Variants in PUS10 observed in about 807,000 individuals in gnomAD.
The protein encoded by PUS10 is tRNA pseudouridine synthase Pus10.
In PUS10, 59 loss-of-function variants were observed where a neutral mutation model predicts 75.0. The ratio of observed to expected loss-of-function variants is 0.79; its 90% CI spans 0.64 to 0.98. PUS10 has a LOEUF of 0.98. PUS10 is among the 50% of genes least tolerant of loss of function. The probability of loss-of-function intolerance (pLI) is 0.00; values close to 1 mark genes in which losing one functional copy is unlikely to be tolerated. For synonymous variants in PUS10, 219 were observed against 211.6 expected, an observed-to-expected ratio of 1.03 and a Z score of -0.30; for missense variants, 650 against 614.4, an observed-to-expected ratio of 1.06 and a Z score of -0.61.
At chr2:61,002,529 C>T (rs184401062) in intron 4 of PUS10, among the ~76,000 whole-genome samples, 1 of 152,184 alleles carries the variant, frequency 6.6e-6, no homozygotes, top group Non-Finnish European at 1.5e-5. Context: ...CTCACCGCAA[C>T]CTCCGCCTCC....
intron 4 of PUS10, among the ~76,000 whole-genome samples, chr2:60,991,090 G>T (rs1042776587): frequency 1.3e-5 from 2 of 152,074 alleles, no homozygotes; most frequent in Non-Finnish European, 2.9e-5. Context: ...TGTTGCCCAG[G>T]CTGGTCTCAA....
At chr2:60,981,870 T>C (rs535241346) in intron 4 of PUS10, among the ~76,000 whole-genome samples, 1 of 152,266 alleles carries the variant, frequency 6.6e-6, no homozygotes, top group Non-Finnish European at 1.5e-5. Flanking sequence ...TATTATAAAC[T>C]ATAAAAATAC....
intron 4 of PUS10, among the ~76,000 whole-genome samples, chr2:60,972,242 T>G (rs1239168932): frequency 6.9e-6 from 1 of 144,604 alleles, no homozygotes; most frequent in Non-Finnish European, 1.5e-5. Flanking sequence ...GGTGGGCGGA[T>G]CACGACGTCA....
At chr2:60,978,932 C>A (rs1376883926) in intron 4 of PUS10, among the ~76,000 whole-genome samples, 1 of 152,168 alleles carries the variant, frequency 6.6e-6, no homozygotes, top group Non-Finnish European at 1.5e-5. Context: ...AAATCACCAC[C>A]AATGCCCTTC....
Position 60,967,432 on chromosome 2 carries a change from AC to A in PUS10, c.615+69del, listed in dbSNP as rs1342852200. On this transcript the variant is annotated intron_variant, in intron 6 of 17. Transcript: ENST00000316752. ...AAAGAAGTTTTTTTGGCTAACCAAAACCCTGCCATATAATTAAGTAAAACTA... is the reference window on the plus strand; with the variant it reads ...AAAGAAGTTTTTTTGGCTAACCAAAACCTGCCATATAATTAAGTAAAACTA... The A allele has an allele frequency of 1.2e-5, 13 of 1,078,912 alleles. No individual in the cohort carries two copies. In the Admixed American group the frequency reaches 1.7e-4, roughly 14 times the overall value. The allele number at this position is 1,078,912 out of a possible 1,614,324, so 66.8% of individuals were successfully genotyped here.
intron 4 of PUS10, among the ~76,000 whole-genome samples, chr2:61,005,099 A>G (rs995238087): frequency 1.3e-5 from 2 of 152,324 alleles, no homozygotes; most frequent in South Asian, 4.1e-4. Flanking sequence ...TACTAAAAAT[A>G]CAAAAATAAA....
chr2:60,951,976 A>G (rs1257535216), intron 15 of PUS10, among the ~76,000 whole-genome samples: 1 of 152,188 alleles, frequency 6.6e-6, no homozygotes, highest in South Asian at 2.1e-4. Context: ...AATATTGCCT[A>G]TTTAAACAAT....
intron 4 of PUS10, among the ~76,000 whole-genome samples, chr2:60,998,191 T>TA (rs1438278827): frequency 6.6e-6 from 1 of 152,134 alleles, no homozygotes; most frequent in East Asian, 1.9e-4. Context: ...AATTACCAAT[T>TA]AAAAAAGATT....
intron 4 of PUS10, among the ~76,000 whole-genome samples, chr2:60,991,277 G>T (rs1173436591): frequency 6.6e-6 from 1 of 152,128 alleles, no homozygotes; most frequent in Non-Finnish European, 1.5e-5. Context: ...TAATACACAA[G>T]ATGAATATGT....
chr2:61,014,165 G>C (rs902827338), intron 1 of PUS10, among the ~76,000 whole-genome samples: 1 of 152,110 alleles, frequency 6.6e-6, no homozygotes. Context: ...CCTGACAACA[G>C]GAGTTTGAGA....
At chr2:60,992,200 G>A (rs576304649) in intron 4 of PUS10, among the ~76,000 whole-genome samples, 1 of 152,162 alleles carries the variant, frequency 6.6e-6, no homozygotes, top group East Asian at 1.9e-4. Context: ...ATTTTTAGTA[G>A]AGACGGGTTT....
At chr2:60,945,183 A>C in intron 16 of PUS10, 75 bp from the exon 17 acceptor site, 1 of 883,940 alleles carries the variant, frequency 1.1e-6, no homozygotes, top group South Asian at 1.4e-5. Flanking sequence ...AGGCAAAAAT[A>C]ATAATAAGAG....
At chr2:60,964,773 A>T (rs1441955407) in intron 8 of PUS10, among the ~76,000 whole-genome samples, 1 of 152,218 alleles carries the variant, frequency 6.6e-6, no homozygotes, top group African/African-American at 2.4e-5. Context: ...TTAATGAGTA[A>T]TAGTAACATC....
At chr2:60,991,913 C>T (rs968528728) in intron 4 of PUS10, among the ~76,000 whole-genome samples, 2 of 152,122 alleles carry the variant, frequency 1.3e-5, no homozygotes, top group African/African-American at 4.8e-5. Context: ...GTAGGGGACA[C>T]CTCCCTGGGG....
At chr2:60,982,383 C>T (rs1677450433) in intron 4 of PUS10, among the ~76,000 whole-genome samples, 1 of 152,100 alleles carries the variant, frequency 6.6e-6, no homozygotes, top group African/African-American at 2.4e-5. Flanking sequence ...GTGTCTCAGC[C>T]TCCCGAGTAG....
chr2:60,971,709 C>T (rs1277141675), intron 4 of PUS10, 152 bp from the exon 5 acceptor site: 2 of 703,678 alleles, frequency 2.8e-6, no homozygotes, highest in Non-Finnish European at 2.5e-6. Flanking sequence ...TTACCAGTGA[C>T]CTCAGTCTCA....
At chr2:60,971,680 C>T (rs1348449422) in intron 4 of PUS10, 123 bp from the exon 5 acceptor site, 7 of 852,396 alleles carry the variant, frequency 8.2e-6, no homozygotes, top group Admixed American at 4.1e-5. Context: ...TTTTAGGTGA[C>T]GAGTTAGTAT....
At chr2:60,967,852 A>T (rs189033009) in intron 5 of PUS10, among the ~76,000 whole-genome samples, 15 of 152,260 alleles carry the variant, frequency 9.9e-5, no homozygotes, top group Non-Finnish European at 2.2e-4. Context: ...ACAATTTTTA[A>T]AGCTTCAAAG....
intron 4 of PUS10, chr2:60,998,721 A>G (rs563621184): frequency 6.6e-6 from 1 of 151,958 alleles, no homozygotes; most frequent in East Asian, 1.9e-4. Context: ...TTTCTTAAAT[A>G]AAAAAATGCT....
Sources: allele counts gnomAD v4.1 joint callset (sites outside exome capture counted in the v4.1 genomes callset), GRCh38; gene constraint gnomAD v4.1.1; transcripts MANE v1.5; gene names NCBI Gene and HGNC (gene_info 2026-07-23, HGNC 2026-07-21).